The following ARHGAP24 variants were observed in gnomAD, a reference collection of about 807,000 sequenced individuals.
ARHGAP24 encodes the protein rho GTPase-activating protein 24.
Under a neutral mutation model 76.4 loss-of-function variants are expected in ARHGAP24, and 50 were observed. The ratio of observed to expected loss-of-function variants is 0.65; its 90% CI spans 0.52 to 0.83. The LOEUF (loss-of-function observed/expected upper bound fraction) is 0.83. Among genes scored for constraint, ARHGAP24 ranks in the 40% least tolerant of loss-of-function variants. ARHGAP24 has a pLI of 0.00. For missense variants in ARHGAP24, 930 were observed against 914.2 expected (o/e 1.02, Z -0.22); for synonymous variants, 345 against 323.3 (o/e 1.07, Z -0.72).
intron 3 of ARHGAP24, among the ~76,000 whole-genome samples, chr4:85,904,991 C>G (rs140411724): frequency 3.9e-5 from 6 of 152,182 alleles, no homozygotes; most frequent in African/African-American, 1.2e-4. Context: ...AGAATGAAAC[C>G]TAACATAGTG....
chr4:85,814,919 C>T (rs1199550313), intron 3 of ARHGAP24, among the ~76,000 whole-genome samples: 1 of 152,208 alleles, frequency 6.6e-6, no homozygotes, highest in Non-Finnish European at 1.5e-5. Context: ...CCAGGCATTT[C>T]CATACATCTT....
intron 3 of ARHGAP24, among the ~76,000 whole-genome samples, chr4:85,874,831 A>AAATATATTTATATAATTTATATAT (rs1560688069): frequency 4.5e-4 from 3 of 6,708 alleles, no homozygotes; most frequent in South Asian, 0.014. Context: ...ATTTATATAT[A>AAATATATTTATATAATTTATATAT]AAATATATTT....
chr4:85,493,945 T>A (rs1240549429), intron 1 of ARHGAP24, among the ~76,000 whole-genome samples: 1 of 152,232 alleles, frequency 6.6e-6, no homozygotes, highest in East Asian at 1.9e-4. Context: ...CTTTATTTCC[T>A]AAGTTACTTT....
intron 2 of ARHGAP24, among the ~76,000 whole-genome samples, chr4:85,706,122 G>T (rs1369110403): frequency 6.6e-6 from 1 of 152,138 alleles, no homozygotes; most frequent in Non-Finnish European, 1.5e-5. Flanking sequence ...CCTCAAGCTG[G>T]ATGAAGACAG....
chr4:85,924,554 T>C (rs1422409784), intron 4 of ARHGAP24: 2 of 152,148 alleles, frequency 1.3e-5, no homozygotes, highest in Non-Finnish European at 2.9e-5. Context: ...TAAATTGTGT[T>C]AGGTCAAATT....
At chr4:85,592,641 T>C (rs1466724796) in intron 2 of ARHGAP24, among the ~76,000 whole-genome samples, 1 of 152,154 alleles carries the variant, frequency 6.6e-6, no homozygotes, top group East Asian at 1.9e-4. Flanking sequence ...CCCACTATCC[T>C]CCCCAGTCTC....
chr4:85,688,396 T>G (rs941015258), intron 2 of ARHGAP24, among the ~76,000 whole-genome samples: 2 of 152,196 alleles, frequency 1.3e-5, no homozygotes, highest in South Asian at 2.1e-4. Flanking sequence ...TTTCATGTTC[T>G]TTTCTCATTT....
At chr4:85,788,192 C>T (rs1727946160) in intron 3 of ARHGAP24, among the ~76,000 whole-genome samples, 1 of 152,084 alleles carries the variant, frequency 6.6e-6, no homozygotes, top group Non-Finnish European at 1.5e-5. Context: ...CCCCCTCATC[C>T]CCACCCAGGA....
intron 3 of ARHGAP24, among the ~76,000 whole-genome samples, chr4:85,870,960 G>A (rs1352526940): frequency 6.6e-6 from 1 of 152,094 alleles, no homozygotes; most frequent in Admixed American, 6.6e-5. Flanking sequence ...TTGTATTTCT[G>A]TTTGCTGACC....
At chr4:85,485,297 G>T (rs1302553291) in intron 1 of ARHGAP24, among the ~76,000 whole-genome samples, 1 of 121,678 alleles carries the variant, frequency 8.2e-6, no homozygotes, top group East Asian at 2.8e-4. Context: ...GCAGTGAGCC[G>T]AGATCGCACC....
chr4:85,719,756 C>T (rs1455794673), intron 2 of ARHGAP24, among the ~76,000 whole-genome samples: 1 of 152,114 alleles, frequency 6.6e-6, no homozygotes, highest in Admixed American at 6.6e-5. Context: ...TTATTTTTCC[C>T]TTACAGTTTA....
At position 85,536,542 on chromosome 4, in the gene ARHGAP24, A is replaced by G. The variant is rs74466855; in HGVS notation, c.-20-33980A>G. Among the ~76,000 whole-genome samples, 194 of 152,274 alleles carry G rather than the reference A, an allele frequency of 1.3e-3. 1 individual carries two copies. The East Asian group carries it at 0.033, about 26-fold the overall frequency. On this transcript the variant is annotated intron_variant, in intron 1 of 9. Transcript: ENST00000395184. Reference sequence around the variant, plus strand: ...ATCACTCATTCAAACTCTAATTAATACATCTACCTAATTTTAATAAATGGC... The same window carrying G: ...ATCACTCATTCAAACTCTAATTAATGCATCTACCTAATTTTAATAAATGGC...
chr4:85,875,614 TA>T, intron 3 of ARHGAP24, among the ~76,000 whole-genome samples: 1 of 121,688 alleles, frequency 8.2e-6, no homozygotes, highest in Admixed American at 1.1e-4. Context: ...ATATTATATA[TA>T]TGTAATGTAT....
chr4:85,881,998 AG>A (rs1733281186), intron 3 of ARHGAP24, among the ~76,000 whole-genome samples: 1 of 152,218 alleles, frequency 6.6e-6, no homozygotes, highest in Non-Finnish European at 1.5e-5. Flanking sequence ...CATTTAGTAA[AG>A]GAAAATGTCC....
chr4:85,570,853 C>A, intron 2 of ARHGAP24, 132 bp downstream of exon 2: 1 of 1,057,908 alleles, frequency 9.5e-7, no homozygotes, highest in Non-Finnish European at 1.4e-6. Flanking sequence ...ATCTTTCACC[C>A]TTTTACCCAT....
At chr4:85,675,034 T>C in intron 2 of ARHGAP24, among the ~76,000 whole-genome samples, 1 of 152,180 alleles carries the variant, frequency 6.6e-6, no homozygotes, top group East Asian at 1.9e-4. Context: ...TTGAGCAGTA[T>C]TTTGAAGAAA....
intron 1 of ARHGAP24, among the ~76,000 whole-genome samples, chr4:85,535,363 A>G (rs1438585538): frequency 6.6e-6 from 1 of 152,214 alleles, no homozygotes; most frequent in Non-Finnish European, 1.5e-5. Flanking sequence ...ACTAATTGAA[A>G]TGTGGGAATC....
At position 86,000,581 on chromosome 4, in the gene ARHGAP24, A is replaced by G. The variant is rs751623414; in HGVS notation, c.2106A>G (p.Arg702=). 2 of 1,613,654 alleles carry G rather than the reference A, an allele frequency of 1.2e-6. No individual in the cohort carries two copies. Among genetic ancestry groups the G allele is most frequent in the African/African-American group, 2.7e-5 (2 of 74,842 alleles). The change falls in exon 10 of 10, where the codon CGA becomes CGG. Residue 702 remains arginine (R), a synonymous_variant. Coordinates refer to ENST00000395184, the MANE Select transcript of ARHGAP24 (RefSeq NM_001025616.3). ...KKFTMIEIKM[R]NAERAKEDAE... is the part of the protein sequence containing the mutation. Reference sequence around the variant, plus strand: ...TCACAATGATAGAAATAAAAATGCGAAATGCCGAGCGAGCAAAAGAAGATG... The same window carrying G: ...TCACAATGATAGAAATAAAAATGCGGAATGCCGAGCGAGCAAAAGAAGATG...
chr4:85,922,553 G>A (rs1484316818), intron 3 of ARHGAP24, among the ~76,000 whole-genome samples: 1 of 152,152 alleles, frequency 6.6e-6, no homozygotes, highest in East Asian at 1.9e-4. Flanking sequence ...AGATATTTGA[G>A]TACCTTAGAA....
Sources: allele counts gnomAD v4.1 joint callset (sites outside exome capture counted in the v4.1 genomes callset), GRCh38; gene constraint gnomAD v4.1.1; transcripts MANE v1.5; gene names NCBI Gene and HGNC (gene_info 2026-07-23, HGNC 2026-07-21).